Variants in UGGT2 observed in about 807,000 individuals in gnomAD.
UGGT2 encodes UDP-glucose:glycoprotein glucosyltransferase 2.
Under a neutral mutation model 192.1 loss-of-function variants are expected in UGGT2, and 180 were observed. The ratio of observed to expected loss-of-function variants is 0.94; its 90% confidence interval spans 0.83 to 1.06. The LOEUF is 1.06. Ranked by LOEUF, UGGT2 falls within the 50% of genes least tolerant of loss-of-function variation. UGGT2 has a pLI of 0.00. For missense variants in UGGT2, 1,849 were observed against 1,795.7 expected (o/e 1.03, Z -0.54); for synonymous variants, 580 against 591.0 (o/e 0.98, Z 0.27).
chr13:95,913,593 G>A (rs1052705125), intron 20 of UGGT2, among the ~76,000 whole-genome samples: 4 of 152,206 alleles, frequency 2.6e-5, no homozygotes, highest in African/African-American at 9.6e-5. Flanking sequence ...AACAACAGAT[G>A]CTGGAGAGGA....
At chr13:95,896,495 T>G (rs893690448) in intron 22 of UGGT2, among the ~76,000 whole-genome samples, 1 of 152,132 alleles carries the variant, frequency 6.6e-6, no homozygotes, top group African/African-American at 2.4e-5. Context: ...TTCTGAACAA[T>G]GAATCAGCAG....
chr13:95,845,669 C>T (rs1168185804), intron 36 of UGGT2, among the ~76,000 whole-genome samples: 1 of 152,178 alleles, frequency 6.6e-6, no homozygotes, highest in Non-Finnish European at 1.5e-5. Context: ...GGCCCGTTCT[C>T]AATGAGCTGT....
intron 5 of UGGT2, among the ~76,000 whole-genome samples, chr13:96,003,567 G>T (rs926633624): frequency 2.6e-5 from 4 of 152,094 alleles, no homozygotes; most frequent in African/African-American, 9.7e-5. Context: ...TGAGTTCTTG[G>T]GCATAGGGCT....
chr13:95,930,180 C>T (rs980586186), intron 17 of UGGT2, among the ~76,000 whole-genome samples: 3 of 152,090 alleles, frequency 2.0e-5, no homozygotes, highest in Non-Finnish European at 4.4e-5. Flanking sequence ...AGAATTTTGT[C>T]GGATATACAG....
At chr13:95,912,214 A>T (rs1290224731) in intron 20 of UGGT2, among the ~76,000 whole-genome samples, 1 of 152,200 alleles carries the variant, frequency 6.6e-6, no homozygotes, top group African/African-American at 2.4e-5. Flanking sequence ...CCTATTCAAC[A>T]TAGTGTTGGA....
chr13:95,988,971 G>T (rs754800416), intron 8 of UGGT2, among the ~76,000 whole-genome samples: 3 of 152,110 alleles, frequency 2.0e-5, no homozygotes, highest in Non-Finnish European at 4.4e-5. Context: ...ATACTAGTGA[G>T]AGTGGCCTGT....
chr13:95,849,993 C>A (rs1594143258), intron 36 of UGGT2, among the ~76,000 whole-genome samples: 1 of 135,656 alleles, frequency 7.4e-6, no homozygotes, highest in Non-Finnish European at 1.6e-5. Context: ...AGTTTTATTT[C>A]TTCCTTCCCA....
chr13:95,824,921 T>C (rs1439934015), intron 38 of UGGT2, among the ~76,000 whole-genome samples: 1 of 152,198 alleles, frequency 6.6e-6, no homozygotes, highest in East Asian at 1.9e-4. Context: ...TAATTGTTCT[T>C]TATTTTTTAT....
At chr13:95,962,190 C>T (rs567302975) in intron 12 of UGGT2, among the ~76,000 whole-genome samples, 1 of 151,804 alleles carries the variant, frequency 6.6e-6, no homozygotes, top group Non-Finnish European at 1.5e-5. Context: ...AAAGCAAGAA[C>T]AAACCCAAAA....
At chr13:95,966,882 T>C (rs1213551217) in intron 12 of UGGT2, among the ~76,000 whole-genome samples, 1 of 152,204 alleles carries the variant, frequency 6.6e-6, no homozygotes, top group African/African-American at 2.4e-5. Context: ...TTACATGACA[T>C]AATTCTATAT....
intron 20 of UGGT2, among the ~76,000 whole-genome samples, chr13:95,921,617 A>G (rs2048848295): frequency 6.6e-6 from 1 of 152,168 alleles, no homozygotes; most frequent in Non-Finnish European, 1.5e-5. Flanking sequence ...CCCATTACAG[A>G]GTGAGCAAAG....
chr13:95,999,276 C>A lies in UGGT2; in HGVS notation c.692G>T (p.Gly231Val), dbSNP rs2051721945. The change falls in exon 6 of 39, where the codon GGG (glycine) becomes GTG (valine). Residue 231 changes from glycine to valine, a missense_variant. Physicochemically the swap from Gly to Val is moderately radical, Grantham distance 109. Transcript: ENST00000376747. ...CTTAATTGCTAGCTCCACACCATAC[C>A]CAGATAAGTACATTTTCCGTGAGCT... ...KPSSRKMYLS[G>V]YGVELAIKST... 2 of 1,613,340 alleles carry A rather than the reference C, an allele frequency of 1.2e-6. No individual in the cohort carries two copies. The highest frequency in any genetic ancestry group is 1.7e-5 in the Admixed American group (1 of 59,980).
chr13:96,013,916 A>C (rs1420152120), intron 4 of UGGT2, among the ~76,000 whole-genome samples: 1 of 152,164 alleles, frequency 6.6e-6, no homozygotes, highest in Non-Finnish European at 1.5e-5. Context: ...TCAAATCCCC[A>C]AGTATAAGCA....
At chr13:95,833,122 AC>A (rs1288186169) in intron 37 of UGGT2, 69 bp from the exon 38 acceptor site, 1 of 1,519,672 alleles carries the variant, frequency 6.6e-7, no homozygotes, top group Non-Finnish European at 8.9e-7. Flanking sequence ...ATGCTGTGTC[AC>A]TAGGGCAAAC....
intron 12 of UGGT2, among the ~76,000 whole-genome samples, chr13:95,967,947 T>C (rs1202370976): frequency 6.6e-6 from 1 of 152,228 alleles, no homozygotes; most frequent in Non-Finnish European, 1.5e-5. Flanking sequence ...AAGCTTTTGA[T>C]CTTTATCATG....
At chr13:95,817,590 A>G (rs1456841964) in intron 38 of UGGT2, among the ~76,000 whole-genome samples, 2 of 152,222 alleles carry the variant, frequency 1.3e-5, no homozygotes, top group Non-Finnish European at 2.9e-5. Context: ...CTAAAACACA[A>G]AAACATTGGA....
intron 20 of UGGT2, 53 bp from the exon 21 acceptor site, chr13:95,903,113 A>G (rs922708226): frequency 1.3e-5 from 19 of 1,519,160 alleles, no homozygotes; most frequent in Non-Finnish European, 1.7e-5. Flanking sequence ...ATCATTTTAC[A>G]GGTGAATATA....
intron 1 of UGGT2, among the ~76,000 whole-genome samples, chr13:96,039,558 T>C (rs1286732813): frequency 6.6e-6 from 1 of 152,208 alleles, no homozygotes; most frequent in African/African-American, 2.4e-5. Context: ...CTGAGTTTCC[T>C]AGTTGTAACA....
At chr13:95,961,175 A>G (rs1289606293) in intron 12 of UGGT2, among the ~76,000 whole-genome samples, 1 of 151,804 alleles carries the variant, frequency 6.6e-6, no homozygotes, top group Non-Finnish European at 1.5e-5. Flanking sequence ...ATTGTTAAAG[A>G]GAGAGAGAGA....
Sources: gnomAD v4.1 joint callset for allele counts (sites outside exome capture counted in the v4.1 genomes callset) on GRCh38, gnomAD v4.1.1 for gene constraint, MANE v1.5 for transcripts, NCBI Gene and HGNC (gene_info 2026-07-23, HGNC 2026-07-21) for gene names.